Variants in GTPBP1 observed in about 807,000 individuals in gnomAD.
GTPBP1 encodes GTP-binding protein 1.
A neutral mutation model predicts 62.0 loss-of-function variants in GTPBP1; 23 were observed. The ratio of observed to expected loss-of-function variants is 0.37; its 90% CI spans 0.27 to 0.53. The LOEUF is 0.53. GTPBP1 is among the 20% of genes least tolerant of loss of function. The pLI, the probability that GTPBP1 is intolerant of heterozygous loss-of-function variation, is 0.89. For synonymous variants in GTPBP1, 344 were observed against 364.4 expected, an observed-to-expected ratio of 0.94 and a Z score of 0.64; for missense variants, 640 against 917.3, an observed-to-expected ratio of 0.70 and a Z score of 3.90.
chr22:38,722,464 G>A (rs1186766628), intron 5 of GTPBP1, among the ~76,000 whole-genome samples: 4 of 152,218 alleles, frequency 2.6e-5, no homozygotes, highest in African/African-American at 9.6e-5. Flanking sequence ...TAAGACAGAA[G>A]AGTGTTTCTA....
chr22:38,716,191 C>T lies in GTPBP1; in HGVS notation c.485+104C>T, dbSNP rs940594972. 14 of 942,698 alleles carry T rather than the reference C, an allele frequency of 1.5e-5. No individual in the cohort carries two copies. The highest frequency in any genetic ancestry group is 7.1e-5 in the Admixed American group (3 of 42,054). The allele number at this position is 942,698 out of a possible 1,614,324, so 58.4% of individuals were successfully genotyped here. On this transcript the variant is annotated intron_variant, in intron 3 of 11. Transcript: ENST00000216044. This position sits in a 1 kb window ranked among gnomAD's most constrained non-coding sequence, Gnocchi z 5.2. ...AGCTCCATCCTTTCCCCTCCTGAGG[C>T]GGGGAAAGAGTGTCCAGGTGTCTGG...
At chr22:38,738,694 G>A (rs182710324), downstream of GTPBP1, 3 of 1,613,764 alleles carry the variant, frequency 1.9e-6, no homozygotes, top group Non-Finnish European at 8.5e-7. The surrounding 1 kb of genome is among the most constrained non-coding windows in gnomAD (Gnocchi z 6.6). Context: ...GCAGAGAGGC[G>A]GACCACGGCG....
intron 1 of GTPBP1, chr22:38,706,426 A>T (rs2145832733): frequency 3.5e-6 from 1 of 283,664 alleles, no homozygotes; most frequent in South Asian, 1.7e-4. Flanking sequence ...CGGCTCTGCC[A>T]CGTGGAACGG....
At chr22:38,742,676 T>A, downstream of GTPBP1, 1 of 1,345,980 alleles carries the variant, frequency 7.4e-7, no homozygotes, top group Non-Finnish European at 1.0e-6. Flanking sequence ...CGTTCCAGCA[T>A]AAGGCCATGC....
At chr22:38,742,160 AG>A (rs201123269), downstream of GTPBP1, 935 of 1,096,498 alleles carry the variant, frequency 8.5e-4, 7 homozygotes, top group East Asian at 0.023. Flanking sequence ...AAAAAAAAAA[AG>A]AAAAAAAGAG....
chr22:38,742,685 G>T (rs1603221527), downstream of GTPBP1: 1 of 1,254,138 alleles, frequency 8.0e-7, no homozygotes, highest in Non-Finnish European at 1.1e-6. Context: ...ATAAGGCCAT[G>T]CAGGGCCGGC....
intron 4 of GTPBP1, among the ~76,000 whole-genome samples, chr22:38,719,014 T>A (rs1210580554): frequency 6.7e-6 from 1 of 148,632 alleles, no homozygotes; most frequent in African/African-American, 2.4e-5. Flanking sequence ...TTTATTTTAA[T>A]TTTTTTTTTG....
At chr22:38,739,669 C>A, downstream of GTPBP1, 1 of 1,587,424 alleles carries the variant, frequency 6.3e-7, no homozygotes, top group Non-Finnish European at 8.6e-7. The surrounding 1 kb of genome is among the most constrained non-coding windows in gnomAD (Gnocchi z 6.7). Flanking sequence ...GTCCAGGGCT[C>A]CCAGGGAGGA....
downstream of GTPBP1, chr22:38,738,036 C>T: frequency 1.2e-6 from 1 of 809,198 alleles, no homozygotes; most frequent in Non-Finnish European, 2.2e-6. This position sits in a 1 kb window ranked among gnomAD's most constrained non-coding sequence, Gnocchi z 6.6. Flanking sequence ...ATTTGGATAT[C>T]ACATCTTGAG....
At chr22:38,738,010 A>T (rs1292236073), downstream of GTPBP1, 2 of 734,312 alleles carry the variant, frequency 2.7e-6, no homozygotes, top group Admixed American at 4.0e-5. The surrounding 1 kb of genome is among the most constrained non-coding windows in gnomAD (Gnocchi z 6.6). Context: ...CGTCTGCAGG[A>T]TGCGTGTTAC....
In GTPBP1 at chr22:38,730,657, A is replaced by C; in HGVS notation, c.1963A>C (p.Lys655Gln). 1 of 1,606,122 alleles carries C rather than the reference A, an allele frequency of 6.2e-7. No individual in the cohort carries two copies. Among genetic ancestry groups the C allele is most frequent in the Non-Finnish European group, 8.5e-7 (1 of 1,179,206 alleles). Residue 655 changes from lysine to glutamine, a missense_variant, in exon 12 of 12, where the codon AAG (lysine) becomes CAG (glutamine). Lys to Gln is a moderately conservative substitution (Grantham distance 53). This residue lies in a region of GTPBP1 where 117 missense variants were observed against 107.1 expected (regional missense o/e 1.09). Transcript: ENST00000216044. The surrounding 1 kb of genome is among the most constrained non-coding windows in gnomAD (Gnocchi z 5.6). ...CCGGCGACGAGGGGGCCAGCGCCAC[A>C]AGGTGAAGTCCCAGGGGGCCTGTGT... Reference protein sequence around the residue: ...GGRRRGGQRHKVKSQGACVTP... With the variant: ...GGRRRGGQRHQVKSQGACVTP...
intron 2 of GTPBP1, among the ~76,000 whole-genome samples, chr22:38,709,318 C>T (rs1256672255): frequency 1.3e-5 from 2 of 151,988 alleles, no homozygotes; most frequent in Admixed American, 6.6e-5. Flanking sequence ...TTATTTAGAG[C>T]ACATTTTCCC....
intron 5 of GTPBP1, chr22:38,723,218 C>T: frequency 9.7e-7 from 1 of 1,034,846 alleles, no homozygotes; most frequent in South Asian, 1.3e-5. Context: ...AAGAAAAGCA[C>T]CAAATTATTT....
chr22:38,725,379 C>G (rs1464062830), intron 6 of GTPBP1: 1 of 152,656 alleles, frequency 6.6e-6, no homozygotes, highest in Non-Finnish European at 1.5e-5. Flanking sequence ...TCAGAGGAGT[C>G]AAGAGTGTCC....
intron 2 of GTPBP1, among the ~76,000 whole-genome samples, chr22:38,710,409 T>C: frequency 6.6e-6 from 1 of 152,224 alleles, no homozygotes; most frequent in Non-Finnish European, 1.5e-5. Context: ...AAGGATTTGC[T>C]CTCCAGATGC....
At chr22:38,735,373 A>T (rs917386999), downstream of GTPBP1, 4 of 379,522 alleles carry the variant, frequency 1.1e-5, no homozygotes, top group Admixed American at 3.4e-5. Context: ...TCCCCACAAG[A>T]GCCCAGGAGT....
At chr22:38,711,321 C>G (rs560562764) in intron 2 of GTPBP1, among the ~76,000 whole-genome samples, 1 of 152,290 alleles carries the variant, frequency 6.6e-6, no homozygotes, top group African/African-American at 2.4e-5. Context: ...AGGGGGCAGT[C>G]TGGCCTAATC....
chr22:38,709,021 G>A (rs1207438681), intron 2 of GTPBP1, 65 bp downstream of exon 2: 11 of 961,248 alleles, frequency 1.1e-5, no homozygotes, highest in East Asian at 2.5e-5. Context: ...TGGCCCTGCC[G>A]CCTGTAATCC....
intron 4 of GTPBP1, among the ~76,000 whole-genome samples, chr22:38,718,592 G>T (rs1295909679): frequency 6.6e-6 from 1 of 152,208 alleles, no homozygotes; most frequent in Non-Finnish European, 1.5e-5. Flanking sequence ...GAAGACTGTG[G>T]AAGTGTCCTG....
Sources: gnomAD v4.1 joint callset for allele counts (sites outside exome capture counted in the v4.1 genomes callset) on GRCh38, gnomAD v4.1.1 for gene constraint, gnomAD v4.1.1 regional missense constraint, Gnocchi (gnomAD v3.1) non-coding constraint, MANE v1.5 for transcripts, NCBI Gene and HGNC (gene_info 2026-07-23, HGNC 2026-07-21) for gene names.